Variants in INPP5D observed in about 807,000 individuals in gnomAD.
The protein encoded by INPP5D is phosphatidylinositol 3,4,5-trisphosphate 5-phosphatase 1.
A neutral mutation model predicts 122.9 loss-of-function variants in INPP5D; 33 were observed. The ratio of observed to expected loss-of-function variants is 0.27; its 90% confidence interval spans 0.20 to 0.36. The LOEUF (loss-of-function observed/expected upper bound fraction) is 0.36. INPP5D is among the 10% of genes least tolerant of loss of function. The pLI is 1.00. For missense variants in INPP5D, 1,053 were observed against 1,412.7 expected (o/e 0.75, Z 4.08); for synonymous variants, 584 against 576.2 (o/e 1.01, Z -0.19).
intron 2 of INPP5D, among the ~76,000 whole-genome samples, chr2:233,103,743 G>GTTGCCCA: frequency 7.3e-6 from 1 of 137,180 alleles, no homozygotes; most frequent in East Asian, 2.1e-4. Context: ...GACTTGCTGT[G>GTTGCCCA]TTGCCCAGGC....
At chr2:233,093,264 A>G (rs1483674373) in intron 2 of INPP5D, among the ~76,000 whole-genome samples, 3 of 152,230 alleles carry the variant, frequency 2.0e-5, no homozygotes, top group African/African-American at 4.8e-5. Flanking sequence ...ACAAAACAGA[A>G]GTAAAATCCC....
At position 233,160,664 on chromosome 2, in the gene INPP5D, T is replaced by G. The variant is rs1228459300; in HGVS notation, c.1138-1060T>G. 6.6e-6 allele frequency among the ~76,000 whole-genome samples: 1 copy of G among 152,148 alleles called. No individual in the cohort carries two copies. Among genetic ancestry groups the G allele is most frequent in the African/African-American group, 2.4e-5 (1 of 41,428 alleles). On this transcript the variant is annotated intron_variant, in intron 10 of 26. Coordinates refer to ENST00000445964, the MANE Select transcript of INPP5D (RefSeq NM_001017915.3). The surrounding 1 kb of genome is among the most constrained non-coding windows in gnomAD (Gnocchi z 4.2). The stretch of plus-strand genomic sequence containing the variant: ...TCTTTTCTTTTCTGAGACAGGGTCT[T>G]GTTCAGTTGCCCCGGCTGAAGTGCA...
intron 17 of INPP5D, among the ~76,000 whole-genome samples, chr2:233,175,104 G>C (rs62192878): frequency 0.13 from 20,053 of 149,634 alleles, 1,583 homozygotes; most frequent in Middle Eastern, 0.2. Flanking sequence ...TGTAATCCCA[G>C]CTACTCGGGA....
intron 9 of INPP5D, among the ~76,000 whole-genome samples, chr2:233,154,805 A>G (rs1694004614): frequency 6.6e-6 from 1 of 152,192 alleles, no homozygotes; most frequent in Non-Finnish European, 1.5e-5. Context: ...GACCTCCAAT[A>G]AACTTGTTAA....
In INPP5D at chr2:233,206,768, C is replaced by T. The variant is rs757973319; in HGVS notation, c.*60C>T. ...AGAGGAACGGCGTGAAGCCACTGGA[C>T]CCTCTCCCGGGACCTCCTGCTGGCT... On this transcript the variant is annotated 3_prime_UTR_variant, in exon 27 of 27. Transcript: ENST00000445964. This position sits in a 1 kb window ranked among gnomAD's most constrained non-coding sequence, Gnocchi z 4.0. 1.3e-6 allele frequency: 1 copy of T among 742,470 alleles called. No individual in the cohort carries two copies. The highest frequency in any genetic ancestry group is 2.5e-6 in the Non-Finnish European group (1 of 398,774). 46.0% of individuals were successfully genotyped at this position (742,470 alleles called of 1,614,324 possible). A position where few individuals can be genotyped will look rare whatever the true frequency, so the allele number is the denominator to read the frequency against.
At chr2:233,097,060 C>T (rs1221103175) in intron 2 of INPP5D, among the ~76,000 whole-genome samples, 6 of 152,176 alleles carry the variant, frequency 3.9e-5, no homozygotes, top group Non-Finnish European at 8.8e-5. Flanking sequence ...GGGACTATAA[C>T]TTCACCGTCC....
At chr2:233,123,124 G>A (rs1338540610) in intron 3 of INPP5D, among the ~76,000 whole-genome samples, 1 of 152,066 alleles carries the variant, frequency 6.6e-6, no homozygotes, top group East Asian at 1.9e-4. Context: ...TTAAAAGGGG[G>A]AGGGGGAAAT....
At chr2:233,080,905 C>T (rs7606583) in intron 2 of INPP5D, among the ~76,000 whole-genome samples, 14,609 of 152,232 alleles carry the variant, frequency 0.096, 772 homozygotes, top group South Asian at 0.12. Context: ...TGATGCAGCC[C>T]GGTCCAGGGG....
At chr2:233,187,609 T>TA (rs1694955008) in intron 21 of INPP5D, among the ~76,000 whole-genome samples, 1 of 152,230 alleles carries the variant, frequency 6.6e-6, no homozygotes, top group Non-Finnish European at 1.5e-5. Context: ...CAGAGGCTGA[T>TA]GCCTGAACTC....
At chr2:233,144,223 AGTGATG>A (rs1159116152) in intron 6 of INPP5D, among the ~76,000 whole-genome samples, 19 of 97,636 alleles carry the variant, frequency 1.9e-4, no homozygotes, top group African/African-American at 3.6e-4. Flanking sequence ...AGGTGGTGGT[AGTGATG>A]GTGATGGTGA....
At chr2:233,098,789 G>C (rs752285805) in intron 2 of INPP5D, among the ~76,000 whole-genome samples, 1 of 152,066 alleles carries the variant, frequency 6.6e-6, no homozygotes, top group Non-Finnish European at 1.5e-5. Context: ...CCCTCCCACC[G>C]GGCGCCCCTC....
At chr2:233,201,752 A>G (rs1482710409) in intron 25 of INPP5D, among the ~76,000 whole-genome samples, 1 of 152,192 alleles carries the variant, frequency 6.6e-6, no homozygotes, top group African/African-American at 2.4e-5. Context: ...AAGCTGTGCA[A>G]TTAGGAAGGG....
At chr2:233,193,658 G>GC (rs1319087680) in intron 22 of INPP5D, among the ~76,000 whole-genome samples, 154 bp from the exon 23 acceptor site, 1 of 152,014 alleles carries the variant, frequency 6.6e-6, no homozygotes, top group Non-Finnish European at 1.5e-5. Flanking sequence ...TGAGACATTT[G>GC]CCCCCAAAGT....
At chr2:233,162,748 G>A (rs937842410) in intron 11 of INPP5D, among the ~76,000 whole-genome samples, 6 of 152,214 alleles carry the variant, frequency 3.9e-5, no homozygotes, top group Non-Finnish European at 7.4e-5. Flanking sequence ...CCTCCTGGAA[G>A]TGAAGTGACA....
rs144936636 is a variant in INPP5D at position 233,198,286 on chromosome 2, C to T, written c.2885C>T (p.Pro962Leu). 2.7e-5 allele frequency: 44 copies of T among 1,613,484 alleles called. No individual in the cohort carries two copies. The highest frequency in any genetic ancestry group is 3.3e-4 in the Middle Eastern group (2 of 6,056). ...GGGCCCTGCAGGGGAGAAAGTCCTC[C>T]GACACCTCCCGGCCAGCCGCCCATA... Reference protein sequence around the residue: ...PLGPCRGESPPTPPGQPPISP... With the variant: ...PLGPCRGESPLTPPGQPPISP... Residue 962 changes from proline (P) to leucine (L), a missense_variant, in exon 25 of 27, where the codon CCG becomes CTG. Physicochemically the swap from Pro to Leu is moderately conservative, Grantham distance 98 (BLOSUM62 -3). Around this residue, in one of 6 missense-constraint regions of INPP5D, gnomAD observed 417 missense variants for 425.8 expected, o/e 0.98. Coordinates refer to ENST00000445964, the MANE Select transcript of INPP5D (RefSeq NM_001017915.3).
intron 2 of INPP5D, among the ~76,000 whole-genome samples, chr2:233,091,343 G>A (rs1574717715): frequency 6.6e-6 from 1 of 152,218 alleles, no homozygotes; most frequent in Non-Finnish European, 1.5e-5. Context: ...GCAAACAGAG[G>A]GGTTTAAAAC....
chr2:233,189,760 C>T lies in INPP5D; in HGVS notation c.2359-90C>T. On this transcript the variant is annotated intron_variant, in intron 21 of 26. Transcript: ENST00000445964. This position sits in a 1 kb window ranked among gnomAD's most constrained non-coding sequence, Gnocchi z 5.6. ...ATTTAGATCTGATTACTAAGAACAC[C>T]TTTCGTCATCTTCATCCACTTGTCC... 5.8e-6 allele frequency: 9 copies of T among 1,545,910 alleles called. No homozygotes were observed. The highest frequency in any genetic ancestry group is 7.0e-6 in the Non-Finnish European group (8 of 1,146,464).
In INPP5D at chr2:233,161,789, C is replaced by T. The variant is rs755166057; in HGVS notation, c.1203C>T (p.Pro401=). The change falls in exon 11 of 27, where the codon CCC becomes CCT. Residue 401 remains proline (P), a synonymous_variant. Coordinates refer to ENST00000445964, the MANE Select transcript of INPP5D (RefSeq NM_001017915.3). ...MKNKHSEQPE[P]DMITIFIGTW... The stretch of plus-strand genomic sequence containing the variant: ...ACAAGCACTCAGAGCAGCCGGAGCC[C>T]GACATGATCACCATCTTCATCGGCA... The T allele has an allele frequency of 1.2e-5, 20 of 1,613,554 alleles. No individual in the cohort carries two copies. The highest frequency in any genetic ancestry group is 4.0e-5 in the African/African-American group (3 of 74,914).
At chr2:233,118,908 G>T (rs768452482) in intron 2 of INPP5D, among the ~76,000 whole-genome samples, 1 of 152,236 alleles carries the variant, frequency 6.6e-6, no homozygotes, top group Admixed American at 6.5e-5. Flanking sequence ...GCCTTGGTTT[G>T]CCAGACCCTG....
Sources: allele counts gnomAD v4.1 joint callset (sites outside exome capture counted in the v4.1 genomes callset), GRCh38; gene constraint gnomAD v4.1.1; regional missense constraint gnomAD v4.1.1; non-coding constraint Gnocchi (gnomAD v3.1); transcripts MANE v1.5; gene names NCBI Gene and HGNC (gene_info 2026-07-23, HGNC 2026-07-21).